STAU2: variants seen among roughly 807,000 people sequenced by gnomAD.
The protein encoded by STAU2 is double-stranded RNA-binding protein Staufen homolog 2.
In STAU2, 20 loss-of-function variants were observed where a neutral mutation model predicts 65.9. That is an observed-to-expected ratio of 0.30 (90% CI 0.21 to 0.44). The LOEUF (loss-of-function observed/expected upper bound fraction) is 0.44. Among genes scored for constraint, STAU2 ranks in the 20% least tolerant of loss-of-function variants. STAU2 has a pLI of 1.00. For missense variants in STAU2, 558 were observed against 683.9 expected, an observed-to-expected ratio of 0.82 and a Z score of 2.05; for synonymous variants, 232 against 233.9, an observed-to-expected ratio of 0.99 and a Z score of 0.07.
chr8:73,538,344 T>C (rs990804552), intron 13 of STAU2, among the ~76,000 whole-genome samples: 4 of 152,126 alleles, frequency 2.6e-5, no homozygotes, highest in Non-Finnish European at 4.4e-5. Context: ...CCATTTACAA[T>C]ACGAAATAAA....
At chr8:73,546,308 T>C (rs993152853) in intron 13 of STAU2, among the ~76,000 whole-genome samples, 1 of 151,802 alleles carries the variant, frequency 6.6e-6, no homozygotes, top group Non-Finnish European at 1.5e-5. Context: ...GTTGTATATA[T>C]AGTTGAGGGC....
intron 13 of STAU2, among the ~76,000 whole-genome samples, chr8:73,549,304 T>C (rs1037617898): frequency 2.0e-5 from 3 of 152,128 alleles, no homozygotes; most frequent in Non-Finnish European, 4.4e-5. Context: ...TTGAAAGAAA[T>C]AAACATTCAT....
intron 12 of STAU2, among the ~76,000 whole-genome samples, chr8:73,575,778 A>T (rs1809495782): frequency 1.4e-5 from 2 of 147,616 alleles, no homozygotes; most frequent in South Asian, 2.2e-4. Flanking sequence ...ATTTATACAT[A>T]TGTATATAAA....
chr8:73,614,126 A>G (rs1812662975), intron 8 of STAU2, among the ~76,000 whole-genome samples, 170 bp from the exon 9 acceptor site: 1 of 152,180 alleles, frequency 6.6e-6, no homozygotes, highest in African/African-American at 2.4e-5. Flanking sequence ...ATGACACTTG[A>G]TGCTTAATGC....
At chr8:73,445,563 G>A (rs754543161) in intron 13 of STAU2, among the ~76,000 whole-genome samples, 6 of 152,134 alleles carry the variant, frequency 3.9e-5, no homozygotes, top group Non-Finnish European at 7.3e-5. Context: ...TATAAGAGAA[G>A]GAAAATGACA....
At chr8:73,712,993 G>A (rs959320001) in intron 3 of STAU2, among the ~76,000 whole-genome samples, 1 of 152,040 alleles carries the variant, frequency 6.6e-6, no homozygotes, top group Non-Finnish European at 1.5e-5. Flanking sequence ...GCATGTATTT[G>A]TTATTATTTT....
intron 13 of STAU2, among the ~76,000 whole-genome samples, chr8:73,548,687 C>A (rs1315965288): frequency 6.6e-6 from 1 of 152,134 alleles, no homozygotes; most frequent in African/African-American, 2.4e-5. Flanking sequence ...TTAACTAAAA[C>A]ACCAACTAAG....
At chr8:73,526,658 A>G (rs1805477348) in intron 13 of STAU2, among the ~76,000 whole-genome samples, 1 of 152,234 alleles carries the variant, frequency 6.6e-6, no homozygotes, top group African/African-American at 2.4e-5. Context: ...TTAGTCATAC[A>G]GAAAACATGT....
intron 5 of STAU2, among the ~76,000 whole-genome samples, chr8:73,687,315 ATATTTATATTTATAAATATAATT>A: frequency 8.7e-6 from 1 of 115,148 alleles, no homozygotes; most frequent in Non-Finnish European, 1.8e-5. Flanking sequence ...AATATAATTT[ATATTTATATTTATAAATATAATT>A]TATATTTATA....
At chr8:73,451,408 G>A (rs1456943536) in intron 13 of STAU2, among the ~76,000 whole-genome samples, 2 of 152,044 alleles carry the variant, frequency 1.3e-5, no homozygotes, top group African/African-American at 2.4e-5. Flanking sequence ...AGCTCAGTTG[G>A]GGAAACTCAC....
In STAU2 at chr8:73,644,867, C is replaced by T. The variant is rs552855421; in HGVS notation, c.411-27416G>A. ...AAATGAGCCAAATCCTCAAAAAGCACAAGCTATCACAACTTACCCAATATG... is the reference window on the plus strand; with the variant it reads ...AAATGAGCCAAATCCTCAAAAAGCATAAGCTATCACAACTTACCCAATATG... On this transcript the variant is annotated intron_variant, in intron 6 of 14. Coordinates refer to ENST00000524300, the MANE Select transcript of STAU2 (RefSeq NM_001164380.2). Among the ~76,000 whole-genome samples the T allele has an allele frequency of 2.6e-5, 4 of 152,240 alleles. No homozygotes were observed. The South Asian group carries it at 6.2e-4, about 24-fold the overall frequency.
intron 12 of STAU2, among the ~76,000 whole-genome samples, chr8:73,571,186 G>C (rs1188067551): frequency 2.0e-5 from 3 of 152,164 alleles, no homozygotes; most frequent in Admixed American, 6.5e-5. Flanking sequence ...AATTCAACAA[G>C]AAGAGCTAAC....
At position 73,550,868 on chromosome 8, in the gene STAU2, GA is replaced by G. The variant is rs1478630993; in HGVS notation, c.1530+1143del. The G allele has an allele frequency of 3.4e-5, 34 of 987,222 alleles. No homozygotes were observed. In the African/African-American group the frequency reaches 5.2e-4, roughly 15 times the overall value. 61.2% of individuals were successfully genotyped at this position (987,222 alleles called of 1,614,324 possible). A position where few individuals can be genotyped will look rare whatever the true frequency, so the allele number is the denominator to read the frequency against. ...GTTCGGTGAAGTGAAAAAAAAATCC[GA>G]ACATGCAAAATACCCCCCAAAACAC... On this transcript the variant is annotated intron_variant, in intron 13 of 14. Coordinates refer to ENST00000524300, the MANE Select transcript of STAU2 (RefSeq NM_001164380.2).
intron 9 of STAU2, among the ~76,000 whole-genome samples, chr8:73,612,921 C>T (rs1275419263): frequency 6.6e-6 from 1 of 152,198 alleles, no homozygotes; most frequent in Non-Finnish European, 1.5e-5. Flanking sequence ...TCATACGTGT[C>T]AAGCATTCAC....
chr8:73,500,989 T>C (rs910056358), intron 13 of STAU2, among the ~76,000 whole-genome samples: 1 of 151,882 alleles, frequency 6.6e-6, no homozygotes, highest in Non-Finnish European at 1.5e-5. Context: ...ATAACAGCAG[T>C]CTTCGAAGGC....
At position 73,579,761 on chromosome 8, in the gene STAU2, T is replaced by G. The variant is rs1563436300; in HGVS notation, c.1222+3009A>C. 2.6e-5 allele frequency among the ~76,000 whole-genome samples: 4 copies of G among 152,234 alleles called. No individual in the cohort carries two copies. The South Asian group carries it at 8.3e-4, about 31-fold the overall frequency. ...ACACTTAGAATAGTCTACCTTCTGCTGCATTTCAGTACAATGAAGAAAGCC... is the reference window on the plus strand; with the variant it reads ...ACACTTAGAATAGTCTACCTTCTGCGGCATTTCAGTACAATGAAGAAAGCC... On this transcript the variant is annotated intron_variant, in intron 12 of 14. Coordinates refer to ENST00000524300, the MANE Select transcript of STAU2 (RefSeq NM_001164380.2).
At chr8:73,535,390 C>T (rs190600744) in intron 13 of STAU2, among the ~76,000 whole-genome samples, 40 of 152,192 alleles carry the variant, frequency 2.6e-4, no homozygotes, top group Non-Finnish European at 5.6e-4. Context: ...AGGATGGTCT[C>T]GATCTCCTGA....
chr8:73,638,750 A>G lies in STAU2; in HGVS notation c.411-21299T>C, dbSNP rs1183461786. Among the ~76,000 whole-genome samples, 3 of 152,046 alleles carry G rather than the reference A, an allele frequency of 2.0e-5. No individual in the cohort carries two copies. The East Asian group carries it at 5.8e-4, about 29-fold the overall frequency. Reference sequence around the variant, plus strand: ...ATAAAAAATTGCTTGTTGAACATACAAATGATTCCATAAGAAGATGCCACA... The same window carrying G: ...ATAAAAAATTGCTTGTTGAACATACGAATGATTCCATAAGAAGATGCCACA... On this transcript the variant is annotated intron_variant, in intron 6 of 14. Coordinates refer to ENST00000524300, the MANE Select transcript of STAU2 (RefSeq NM_001164380.2).
intron 13 of STAU2, 55 bp downstream of exon 13, chr8:73,551,957 A>G (rs775954715): frequency 1.3e-6 from 2 of 1,515,292 alleles, no homozygotes; most frequent in East Asian, 2.3e-5. Context: ...TATACAGATG[A>G]AGAATCTGAG....
Sources: gnomAD v4.1 joint callset for allele counts (sites outside exome capture counted in the v4.1 genomes callset) on GRCh38, gnomAD v4.1.1 for gene constraint, MANE v1.5 for transcripts, NCBI Gene and HGNC (gene_info 2026-07-23, HGNC 2026-07-21) for gene names.